CTNNA3: variants seen among roughly 807,000 people sequenced by gnomAD.
CTNNA3 encodes the protein catenin alpha 3.
Under a neutral mutation model 95.7 loss-of-function variants are expected in CTNNA3, and 76 were observed. The observed-to-expected ratio is 0.79, with a 90% CI of 0.66 to 0.96. The LOEUF (loss-of-function observed/expected upper bound fraction) is 0.96. Among genes scored for constraint, CTNNA3 ranks in the 40% least tolerant of loss-of-function variants. The pLI, the probability that CTNNA3 is intolerant of heterozygous loss-of-function variation, is 0.00. For synonymous variants in CTNNA3, 431 were observed against 374.4 expected (o/e 1.15, Z -1.74); for missense variants, 1,191 against 1,089.8 (o/e 1.09, Z -1.31).
chr10:67,494,889 A>G (rs1838976912), intron 5 of CTNNA3, among the ~76,000 whole-genome samples: 1 of 152,220 alleles, frequency 6.6e-6, no homozygotes. Flanking sequence ...TCAGGGCACC[A>G]AAGAGTTGTG....
intron 10 of CTNNA3, among the ~76,000 whole-genome samples, chr10:66,549,353 A>AT (rs1192501258): frequency 6.6e-6 from 1 of 152,030 alleles, no homozygotes; most frequent in Non-Finnish European, 1.5e-5. Context: ...CCACTATGAG[A>AT]TTTTTTGTAA....
chr10:66,317,274 T>C (rs964257150), intron 12 of CTNNA3, among the ~76,000 whole-genome samples: 7 of 152,150 alleles, frequency 4.6e-5, no homozygotes, highest in Admixed American at 3.9e-4. Flanking sequence ...TGAATAATTT[T>C]TTTTCCACAA....
chr10:67,533,051 C>G (rs569025977), intron 4 of CTNNA3, among the ~76,000 whole-genome samples: 1 of 152,088 alleles, frequency 6.6e-6, no homozygotes, highest in South Asian at 2.1e-4. Flanking sequence ...AAGGTGGGCA[C>G]GGTGGCGGAC....
At chr10:67,092,499 C>A (rs879589412) in intron 7 of CTNNA3, among the ~76,000 whole-genome samples, 2 of 151,726 alleles carry the variant, frequency 1.3e-5, no homozygotes, top group Non-Finnish European at 2.9e-5. Flanking sequence ...TCTTGAGTGA[C>A]CTTAACCAAA....
At chr10:67,362,166 T>C (rs1321904050) in intron 5 of CTNNA3, among the ~76,000 whole-genome samples, 1 of 152,074 alleles carries the variant, frequency 6.6e-6, no homozygotes, top group Non-Finnish European at 1.5e-5. Context: ...ACCAGATGGA[T>C]TTACAGCTGA....
intron 12 of CTNNA3, among the ~76,000 whole-genome samples, chr10:66,360,644 T>TTTC (rs1281926524): frequency 3.7e-4 from 23 of 62,704 alleles, no homozygotes; most frequent in African/African-American, 1.3e-3. Flanking sequence ...TCTTTCTTTC[T>TTTC]TTCTTTCTTT....
intron 13 of CTNNA3, among the ~76,000 whole-genome samples, chr10:66,151,295 T>G (rs1564703467): frequency 6.6e-6 from 1 of 151,968 alleles, no homozygotes; most frequent in Non-Finnish European, 1.5e-5. Context: ...TGAGATAAGA[T>G]AAAGTTTTCA....
intron 9 of CTNNA3, among the ~76,000 whole-genome samples, chr10:66,694,714 A>G (rs182224381): frequency 2.1e-3 from 320 of 152,318 alleles, no homozygotes; most frequent in Non-Finnish European, 3.2e-3. Flanking sequence ...TGCCTCTGCC[A>G]TCAAACAATA....
chr10:65,972,908 A>G (rs868774969), intron 16 of CTNNA3, among the ~76,000 whole-genome samples: 5,287 of 143,986 alleles, frequency 0.037, 323 homozygotes, highest in African/African-American at 0.14. Flanking sequence ...AAGGGGGAAA[A>G]AAAAAAAAAA....
chr10:66,267,385 A>G (rs1280240542), intron 13 of CTNNA3, among the ~76,000 whole-genome samples: 1 of 152,064 alleles, frequency 6.6e-6, no homozygotes, highest in South Asian at 2.1e-4. Context: ...TCAAAGCCCA[A>G]CTGGAATGTC....
At chr10:67,430,566 T>C (rs1417886047) in intron 5 of CTNNA3, among the ~76,000 whole-genome samples, 2 of 151,840 alleles carry the variant, frequency 1.3e-5, no homozygotes, top group African/African-American at 4.8e-5. Context: ...ACAAGGGAGA[T>C]GGAAGGAGAT....
intron 9 of CTNNA3, among the ~76,000 whole-genome samples, chr10:66,702,138 T>C (rs1564628227): frequency 6.8e-6 from 1 of 146,988 alleles, no homozygotes; most frequent in African/African-American, 2.5e-5. Context: ...ATTTACACAG[T>C]AAAAAAAAAA....
At chr10:66,304,109 A>T (rs1044226823) in intron 12 of CTNNA3, among the ~76,000 whole-genome samples, 1 of 152,166 alleles carries the variant, frequency 6.6e-6, no homozygotes, top group Non-Finnish European at 1.5e-5. Flanking sequence ...TATTTCAAAG[A>T]AGTGAAATAA....
intron 10 of CTNNA3, among the ~76,000 whole-genome samples, chr10:66,621,088 G>C (rs35786771): frequency 6.6e-6 from 1 of 151,790 alleles, no homozygotes; most frequent in Non-Finnish European, 1.5e-5. Context: ...CTGAATTACC[G>C]ACAAGAAAAT....
chr10:66,099,633 A>T lies in CTNNA3; in HGVS notation c.1977+3524T>A, dbSNP rs912475963. Among the ~76,000 whole-genome samples, 5 of 152,192 alleles carry T rather than the reference A, an allele frequency of 3.3e-5. No homozygotes were observed. The East Asian group carries it at 9.7e-4, about 29-fold the overall frequency. The stretch of plus-strand genomic sequence containing the variant: ...ATGAGAGTAGAATCTGTTGTAATAA[A>T]CTCACAAGGCAGATATAATGTAAGG... On this transcript the variant is annotated intron_variant, in intron 14 of 17. Transcript: ENST00000433211.
chr10:65,925,168 T>G (rs148082126), intron 17 of CTNNA3, among the ~76,000 whole-genome samples: 2 of 152,192 alleles, frequency 1.3e-5, no homozygotes, highest in Non-Finnish European at 2.9e-5. Context: ...AATTCTTGTA[T>G]CCATTCTACC....
intron 1 of CTNNA3, among the ~76,000 whole-genome samples, chr10:67,747,692 G>A (rs1841381118): frequency 6.6e-6 from 1 of 152,238 alleles, no homozygotes; most frequent in Non-Finnish European, 1.5e-5. Flanking sequence ...AAAAGCCAGA[G>A]TGCCTCTTCT....
intron 5 of CTNNA3, among the ~76,000 whole-genome samples, chr10:67,441,994 T>C (rs1216131066): frequency 1.3e-5 from 2 of 152,090 alleles, no homozygotes; most frequent in Non-Finnish European, 2.9e-5. Flanking sequence ...ACAACAACTA[T>C]TCAAAGCCTA....
chr10:66,540,885 T>C (rs1841827194), intron 10 of CTNNA3, among the ~76,000 whole-genome samples: 1 of 152,148 alleles, frequency 6.6e-6, no homozygotes, highest in Admixed American at 6.6e-5. Context: ...AGGCTTTATC[T>C]TTTAAAAGGG....
Sources: gnomAD v4.1 joint callset for allele counts (sites outside exome capture counted in the v4.1 genomes callset) on GRCh38, gnomAD v4.1.1 for gene constraint, MANE v1.5 for transcripts, NCBI Gene and HGNC (gene_info 2026-07-23, HGNC 2026-07-21) for gene names.